The following GRID2IP variants were observed in gnomAD, a reference collection of about 807,000 sequenced individuals.
GRID2IP encodes Grid2 interacting protein.
A neutral mutation model predicts 114.3 loss-of-function variants in GRID2IP; 78 were observed. That is an observed-to-expected ratio of 0.68 (90% confidence interval 0.57 to 0.82). The LOEUF (loss-of-function observed/expected upper bound fraction) is 0.82. Ranked by LOEUF, GRID2IP falls within the 40% of genes least tolerant of loss-of-function variation. GRID2IP has a pLI of 0.00. For synonymous variants in GRID2IP, 809 were observed against 724.0 expected (o/e 1.12, Z -1.89); for missense variants, 1,727 against 1,678.5 (o/e 1.03, Z -0.51).
At chr7:6,500,185 C>T (rs534901778) in intron 20 of GRID2IP, among the ~76,000 whole-genome samples, 5 of 151,624 alleles carry the variant, frequency 3.3e-5, no homozygotes, top group South Asian at 2.1e-4. Flanking sequence ...CTGGGTGGGC[C>T]GGGCACAGTG....
chr7:6,539,706 T>G lies in GRID2IP; in HGVS notation c.584+12A>C. ...CACCCTGCCTGTCTATCCTGCCCCCTGCCCGCAGTACCTGAGGTTGTCCAG... is the reference window on the plus strand; with the variant it reads ...CACCCTGCCTGTCTATCCTGCCCCCGGCCCGCAGTACCTGAGGTTGTCCAG... On this transcript the variant is annotated intron_variant, in intron 2 of 21. Coordinates refer to ENST00000457091, the MANE Select transcript of GRID2IP (RefSeq NM_001145118.2). The G allele has an allele frequency of 6.5e-7, 1 of 1,541,896 alleles. No homozygotes were observed. Among genetic ancestry groups the G allele is most frequent in the Non-Finnish European group, 8.8e-7 (1 of 1,142,250 alleles).
At chr7:6,541,811 A>G (rs1779818831) in intron 1 of GRID2IP, among the ~76,000 whole-genome samples, 2 of 152,188 alleles carry the variant, frequency 1.3e-5, no homozygotes, top group South Asian at 2.1e-4. Context: ...ATGATCTCAC[A>G]TGTAGGAATT....
At chr7:6,529,978 A>C (rs1779587323) in intron 2 of GRID2IP, among the ~76,000 whole-genome samples, 1 of 134,712 alleles carries the variant, frequency 7.4e-6, no homozygotes, top group Non-Finnish European at 1.6e-5. Context: ...TTTTTTTTTA[A>C]GACAAAGTCT....
Position 6,520,028 on chromosome 7 carries a change from C to T in GRID2IP, c.1268+550G>A, listed in dbSNP as rs959028704. Among the ~76,000 whole-genome samples the T allele has an allele frequency of 6.6e-6, 1 of 152,132 alleles. No individual in the cohort carries two copies. The highest frequency in any genetic ancestry group is 1.5e-5 in the Non-Finnish European group (1 of 68,022). Reference sequence around the variant, plus strand: ...CGGTGGCTCACGCCTGTAATCCCAGCACTTTGGGAGGCCGAGGCGGGCAGA... The same window carrying T: ...CGGTGGCTCACGCCTGTAATCCCAGTACTTTGGGAGGCCGAGGCGGGCAGA... On this transcript the variant is annotated intron_variant, in intron 7 of 21. Coordinates refer to ENST00000457091, the MANE Select transcript of GRID2IP (RefSeq NM_001145118.2). This position sits in a 1 kb window ranked among gnomAD's most constrained non-coding sequence, Gnocchi z 4.6.
rs945331774 is a variant in GRID2IP at position 6,509,813 on chromosome 7, A to G, written c.1771+470T>C. 1.3e-5 allele frequency among the ~76,000 whole-genome samples: 2 copies of G among 152,188 alleles called. No individual in the cohort carries two copies. The highest frequency in any genetic ancestry group is 4.8e-5 in the African/African-American group (2 of 41,446). On this transcript the variant is annotated intron_variant, in intron 11 of 21. Coordinates refer to ENST00000457091, the MANE Select transcript of GRID2IP (RefSeq NM_001145118.2). This position sits in a 1 kb window ranked among gnomAD's most constrained non-coding sequence, Gnocchi z 4.9. The stretch of plus-strand genomic sequence containing the variant: ...TTGCTAACTCGGGGACTTCCTCAGA[A>G]TCAGGCATCTGCCTTCTTTCTTTTT...
intron 7 of GRID2IP, among the ~76,000 whole-genome samples, chr7:6,517,081 G>T (rs369420973): frequency 6.7e-6 from 1 of 148,798 alleles, no homozygotes; most frequent in South Asian, 2.1e-4. Context: ...TTTTGAGACA[G>T]TCTGGCTCTG....
chr7:6,508,857 A>G lies in GRID2IP; in HGVS notation c.2127+101T>C. The G allele has an allele frequency of 6.8e-7, 1 of 1,461,984 alleles. No homozygotes were observed. Among genetic ancestry groups the G allele is most frequent in the Admixed American group, 2.3e-5 (1 of 43,124 alleles). 90.6% of individuals were successfully genotyped at this position (1,461,984 alleles called of 1,614,324 possible). On this transcript the variant is annotated intron_variant, in intron 12 of 21. Coordinates refer to ENST00000457091, the MANE Select transcript of GRID2IP (RefSeq NM_001145118.2). The surrounding 1 kb of genome is among the most constrained non-coding windows in gnomAD (Gnocchi z 5.6). ...AGTGGGATAGCCTGGGGAAGATCCC[A>G]AGGGCAGCAGGCCCCTTGCGGGAGC...
In GRID2IP at chr7:6,505,895, A is replaced by T. The variant is rs1330565102; in HGVS notation, c.2557T>A (p.Ser853Thr). ...GTIWGQLGED[S>T]DYDKLSDMVK... ...ATGTCACTCAGCTTATCGTAGTCAG[A>T]GTCTTCCCCGAGCTGCGAGGGAGGA... Residue 853 changes from serine to threonine, a missense_variant, in exon 14 of 22, where the codon TCT becomes ACT. Coordinates refer to ENST00000457091, the MANE Select transcript of GRID2IP (RefSeq NM_001145118.2). The T allele has an allele frequency of 6.4e-7, 1 of 1,551,712 alleles. No homozygotes were observed. The highest frequency in any genetic ancestry group is 8.7e-7 in the Non-Finnish European group (1 of 1,146,746).
chr7:6,497,048 C>T lies in GRID2IP; in HGVS notation c.*726G>A, dbSNP rs368523010. ...GAAGTCTGGCAGTTGGCCACCAGAT[C>T]CTGCTCACCTCCTGCCTCAACACCT... On this transcript the variant is annotated 3_prime_UTR_variant, in exon 22 of 22. Transcript: ENST00000457091. 2.0e-5 allele frequency among the ~76,000 whole-genome samples: 3 copies of T among 152,170 alleles called. No individual in the cohort carries two copies. The highest frequency in any genetic ancestry group is 7.2e-5 in the African/African-American group (3 of 41,426).
chr7:6,521,640 C>T lies in GRID2IP; in HGVS notation c.990-117G>A. On this transcript the variant is annotated intron_variant, in intron 5 of 21. Coordinates refer to ENST00000457091, the MANE Select transcript of GRID2IP (RefSeq NM_001145118.2). This position sits in a 1 kb window ranked among gnomAD's most constrained non-coding sequence, Gnocchi z 4.1. ...ACACAGCAAGACCACCTCTGTGTGACTCTGTGTCCCCAGCATGGAGCTGGA... is the reference window on the plus strand; with the variant it reads ...ACACAGCAAGACCACCTCTGTGTGATTCTGTGTCCCCAGCATGGAGCTGGA... 2 of 734,256 alleles carry T rather than the reference C, an allele frequency of 2.7e-6. No homozygotes were observed. The highest frequency in any genetic ancestry group is 4.5e-6 in the Non-Finnish European group (2 of 442,242). The allele number at this position is 734,256 out of a possible 1,614,324, so 45.5% of individuals were successfully genotyped here. A position where few individuals can be genotyped will look rare whatever the true frequency, so the allele number is the denominator to read the frequency against.
Position 6,497,519 on chromosome 7 carries a change from C to T in GRID2IP, c.*255G>A, listed in dbSNP as rs964480227. 2.9e-5 allele frequency: 11 copies of T among 379,268 alleles called. No individual in the cohort carries two copies. The highest frequency in any genetic ancestry group is 4.5e-5 in the Admixed American group (1 of 22,186). 23.5% of individuals were successfully genotyped at this position (379,268 alleles called of 1,614,324 possible). On this transcript the variant is annotated 3_prime_UTR_variant, in exon 22 of 22. Transcript: ENST00000457091. ...GAAGTGGGAAGTGGGCCCAAGAAGC[C>T]GACAGAGCACGGTCCTCCATGTGCA...
chr7:6,551,460 A>G lies in GRID2IP; in HGVS notation c.-24T>C. 1 of 1,531,240 alleles carries G rather than the reference A, an allele frequency of 6.5e-7. No homozygotes were observed. Among genetic ancestry groups the G allele is most frequent in the Non-Finnish European group, 8.8e-7 (1 of 1,138,008 alleles). The allele number at this position is 1,531,240 out of a possible 1,614,324, so 94.9% of individuals were successfully genotyped here. A position where few individuals can be genotyped will look rare whatever the true frequency, so the allele number is the denominator to read the frequency against. On this transcript the variant is annotated 5_prime_UTR_variant, in exon 1 of 22. Transcript: ENST00000457091. ...ATGCACCTAGAACTGGAGACAGAAC[A>G]GGGATTTCCTTGCTGCTCTGTCCAT...
At chr7:6,501,567 C>A (rs1412127122) in intron 20 of GRID2IP, among the ~76,000 whole-genome samples, 1 of 152,106 alleles carries the variant, frequency 6.6e-6, no homozygotes, top group Non-Finnish European at 1.5e-5. Context: ...CCAGGCATAG[C>A]CTGGGTGACA....
In GRID2IP at chr7:6,521,040, G is replaced by C. The variant is rs1336237697; in HGVS notation, c.1085-279C>G. ...GGCGGGAGTGCAATGGCGTGATCTCGGCTCACTGCAACCTCCGCTTCCTGG... is the reference window on the plus strand; with the variant it reads ...GGCGGGAGTGCAATGGCGTGATCTCCGCTCACTGCAACCTCCGCTTCCTGG... On this transcript the variant is annotated intron_variant, in intron 6 of 21. Coordinates refer to ENST00000457091, the MANE Select transcript of GRID2IP (RefSeq NM_001145118.2). This position sits in a 1 kb window ranked among gnomAD's most constrained non-coding sequence, Gnocchi z 4.1. Among the ~76,000 whole-genome samples the C allele has an allele frequency of 1.3e-5, 2 of 152,170 alleles. No individual in the cohort carries two copies. Among genetic ancestry groups the C allele is most frequent in the African/African-American group, 4.8e-5 (2 of 41,436 alleles).
intron 2 of GRID2IP, among the ~76,000 whole-genome samples, chr7:6,538,936 A>C (rs932938412): frequency 6.6e-6 from 1 of 152,072 alleles, no homozygotes. Context: ...AAAGAAAGGA[A>C]ATCAAAGGGC....
At position 6,502,839 on chromosome 7, in the gene GRID2IP, C is replaced by T. The variant is rs868570487; in HGVS notation, c.3097G>A (p.Gly1033Arg). The change falls in exon 18 of 22, where the codon GGA becomes AGA. Residue 1033 changes from glycine to arginine, a missense_variant. By Grantham distance (125) the Gly-to-Arg change is moderately radical. Coordinates refer to ENST00000457091, the MANE Select transcript of GRID2IP (RefSeq NM_001145118.2). Reference sequence around the variant, plus strand: ...GTAGTCTTGTTGGTTTTGGGCTGTCCATCGTTGAGATAGTTGCCCATGGCC... The same window carrying T: ...GTAGTCTTGTTGGTTTTGGGCTGTCTATCGTTGAGATAGTTGCCCATGGCC... ...VLAMGNYLNDGQPKTNKTTGF... is the reference protein window; with the variant it reads ...VLAMGNYLNDRQPKTNKTTGF... 11 of 1,551,934 alleles carry T rather than the reference C, an allele frequency of 7.1e-6. No individual in the cohort carries two copies. Among genetic ancestry groups the T allele is most frequent in the South Asian group, 5.9e-5 (5 of 84,062 alleles).
chr7:6,526,797 C>T lies in GRID2IP; in HGVS notation c.585-28G>A. 1 of 1,483,920 alleles carries T rather than the reference C, an allele frequency of 6.7e-7. No individual in the cohort carries two copies. 91.9% of individuals were successfully genotyped at this position (1,483,920 alleles called of 1,614,324 possible). ...GCCGGCGAGGACGGCGGAGTCGGGG[C>T]GCGTTCCCGGACCCCGGATCTCTGC... On this transcript the variant is annotated intron_variant, in intron 2 of 21. Coordinates refer to ENST00000457091, the MANE Select transcript of GRID2IP (RefSeq NM_001145118.2). The surrounding 1 kb of genome is among the most constrained non-coding windows in gnomAD (Gnocchi z 7.6).
rs1779966086 is a variant in GRID2IP, at chr7:6,550,995, C to T, written c.429+13G>A. 1 of 1,237,924 alleles carries T rather than the reference C, an allele frequency of 8.1e-7. No homozygotes were observed. The highest frequency in any genetic ancestry group is 3.2e-5 in the East Asian group (1 of 31,058). 76.7% of individuals were successfully genotyped at this position (1,237,924 alleles called of 1,614,324 possible). A position where few individuals can be genotyped will look rare whatever the true frequency, so the allele number is the denominator to read the frequency against. The stretch of plus-strand genomic sequence containing the variant: ...CCTCCTTCCCGCCCCCACCTCCCAC[C>T]CCCGCGCCTTACCTTGCGGCTGAAC... On this transcript the variant is annotated intron_variant, in intron 1 of 21. Coordinates refer to ENST00000457091, the MANE Select transcript of GRID2IP (RefSeq NM_001145118.2).
At chr7:6,550,680 T>C (rs1349093689) in intron 1 of GRID2IP, among the ~76,000 whole-genome samples, 1 of 135,306 alleles carries the variant, frequency 7.4e-6, no homozygotes, top group Non-Finnish European at 1.6e-5. Flanking sequence ...AAAAAAAAAA[T>C]TAGCTGGGTG....
Sources: allele counts gnomAD v4.1 joint callset (sites outside exome capture counted in the v4.1 genomes callset), GRCh38; gene constraint gnomAD v4.1.1; non-coding constraint Gnocchi (gnomAD v3.1); transcripts MANE v1.5; gene names NCBI Gene and HGNC (gene_info 2026-07-23, HGNC 2026-07-21).